Variants in PACS2 observed in about 807,000 individuals in gnomAD.
PACS2 encodes the protein phosphofurin acidic cluster sorting protein 2.
In PACS2, 36 loss-of-function variants were observed where a neutral mutation model predicts 113.0. The ratio of observed to expected loss-of-function variants is 0.32; its 90% CI spans 0.24 to 0.42. The LOEUF (loss-of-function observed/expected upper bound fraction) is 0.42, where lower values mean the gene tolerates loss of function less well. Among genes scored for constraint, PACS2 ranks in the 10% least tolerant of loss-of-function variants. The pLI, the probability that PACS2 is intolerant of heterozygous loss-of-function variation, is 1.00. For synonymous variants in PACS2, 589 were observed against 536.1 expected (o/e 1.10, Z -1.36); for missense variants, 1,015 against 1,239.5 (o/e 0.82, Z 2.72).
intron 4 of PACS2, 41 bp from the exon 5 acceptor site, chr14:105,367,172 C>G: frequency 6.3e-7 from 1 of 1,590,460 alleles, no homozygotes; most frequent in Non-Finnish European, 8.6e-7. Flanking sequence ...GGGGCTCCTT[C>G]CCGTCGTGCT....
chr14:105,316,622 G>C (rs1417221954), intron 1 of PACS2, among the ~76,000 whole-genome samples: 1 of 152,188 alleles, frequency 6.6e-6, no homozygotes, highest in Non-Finnish European at 1.5e-5. Context: ...AGGAGGGGCC[G>C]GGGGCCTTAT....
At chr14:105,389,233 C>G (rs1555414267) in intron 19 of PACS2, 1 of 152,552 alleles carries the variant, frequency 6.6e-6, no homozygotes, top group African/African-American at 2.4e-5. Flanking sequence ...GGGCTGTGAC[C>G]AGACTTCCAG....
At chr14:105,335,229 TC>T (rs1450563038) in intron 1 of PACS2, among the ~76,000 whole-genome samples, 1 of 152,238 alleles carries the variant, frequency 6.6e-6, no homozygotes, top group African/African-American at 2.4e-5. Flanking sequence ...CTCGGAGGCT[TC>T]CCTGCTCTGG....
chr14:105,370,262 C>A (rs1226427831), intron 8 of PACS2: 1 of 167,846 alleles, frequency 6.0e-6, no homozygotes, highest in Non-Finnish European at 1.3e-5. Flanking sequence ...CCCATGGACC[C>A]CTCCCCACCT....
rs587647726 is a variant in PACS2, at chr14:105,353,947, C to T, written c.298-1105C>T. 7.2e-5 allele frequency among the ~76,000 whole-genome samples: 11 copies of T among 151,798 alleles called. No individual in the cohort carries two copies. In the East Asian group the frequency reaches 2.2e-3, roughly 30 times the overall value. On this transcript the variant is annotated intron_variant, in intron 3 of 24. Coordinates refer to ENST00000447393, the MANE Select transcript of PACS2 (RefSeq NM_001100913.3). ...GAATATAAGGCCGGGTGTGGTGGCT[C>T]ATGCCTGTAATCCCAGCACTTCGGG...
At chr14:105,353,091 C>G (rs1426350557) in intron 3 of PACS2, among the ~76,000 whole-genome samples, 10 of 88,762 alleles carry the variant, frequency 1.1e-4, no homozygotes, top group Non-Finnish European at 1.2e-4. Context: ...GGGTGACAGG[C>G]CCCCCCCATC....
At position 105,317,921 on chromosome 14, in the gene PACS2, C is replaced by T. The variant is rs903112187; in HGVS notation, c.119+2884C>T. 1.3e-5 allele frequency among the ~76,000 whole-genome samples: 2 copies of T among 152,162 alleles called. No individual in the cohort carries two copies. Among genetic ancestry groups the T allele is most frequent in the Non-Finnish European group, 2.9e-5 (2 of 68,028 alleles). Reference sequence around the variant, plus strand: ...CTGTGCTCCGGGTTTCCTTGCGACGCTTTTGGCTCAGCACTGTTACACACG... The same window carrying T: ...CTGTGCTCCGGGTTTCCTTGCGACGTTTTTGGCTCAGCACTGTTACACACG... On this transcript the variant is annotated intron_variant, in intron 1 of 24. Transcript: ENST00000447393. The surrounding 1 kb of genome is among the most constrained non-coding windows in gnomAD (Gnocchi z 4.2).
intron 21 of PACS2, 164 bp from the exon 22 acceptor site, chr14:105,391,467 G>C: frequency 1.4e-6 from 1 of 706,084 alleles, no homozygotes; most frequent in Non-Finnish European, 2.3e-6. Flanking sequence ...TCCAAAAACC[G>C]AGGAGAATCC....
intron 8 of PACS2, 129 bp downstream of exon 8, chr14:105,370,029 C>A: frequency 1.3e-6 from 1 of 798,006 alleles, no homozygotes; most frequent in Non-Finnish European, 2.0e-6. Context: ...GCCCCGCCAG[C>A]ATCGCACAGT....
In PACS2 at chr14:105,330,693, A is replaced by G. The variant is rs1291687505; in HGVS notation, c.119+15656A>G. On this transcript the variant is annotated intron_variant, in intron 1 of 24. Coordinates refer to ENST00000447393, the MANE Select transcript of PACS2 (RefSeq NM_001100913.3). This position sits in a 1 kb window ranked among gnomAD's most constrained non-coding sequence, Gnocchi z 6.9. ...AATCCTGGGGCCCCACCCAACACCC[A>G]CGCATTTCCTGTCTTTTCTCAGGCA... is the stretch of plus-strand genomic sequence containing the variant. Among the ~76,000 whole-genome samples the G allele has an allele frequency of 6.6e-6, 1 of 152,232 alleles. No homozygotes were observed. The highest frequency in any genetic ancestry group is 2.4e-5 in the African/African-American group (1 of 41,458).
chr14:105,382,526 A>T lies in PACS2; in HGVS notation c.1463A>T (p.Asp488Val). The change falls in exon 14 of 25, where the codon GAT (aspartate) becomes GTT (valine). Residue 488 changes from aspartate (D) to valine (V), a missense_variant. By Grantham distance (152) the Asp-to-Val change is radical (BLOSUM62 -3). Around this residue, in one of 3 missense-constraint regions of PACS2, gnomAD observed 859 missense variants for 1,056.8 expected, o/e 0.81. Transcript: ENST00000447393. ...CAGCTCAACCACATCCTCATCTCCG[A>T]TGACCAGCTTCCCGAAAACATCATC... The part of the protein sequence containing the change: ...YDQLNHILIS[D>V]DQLPENIILV... 6.2e-7 allele frequency: 1 copy of T among 1,613,680 alleles called. No individual in the cohort carries two copies.
chr14:105,348,702 C>A lies in PACS2; in HGVS notation c.207+122C>A. 1.3e-6 allele frequency: 1 copy of A among 746,322 alleles called. No homozygotes were observed. Among genetic ancestry groups the A allele is most frequent in the Non-Finnish European group, 2.3e-6 (1 of 428,446 alleles). The allele number at this position is 746,322 out of a possible 1,614,324, so 46.2% of individuals were successfully genotyped here. ...TGCCAAAACAGCGGGCAGCCCATGC[C>A]ATCTCCGGGAGCCCGGGGGGCTGGG... is the stretch of plus-strand genomic sequence containing the variant. On this transcript the variant is annotated intron_variant, in intron 2 of 24. Coordinates refer to ENST00000447393, the MANE Select transcript of PACS2 (RefSeq NM_001100913.3). This position sits in a 1 kb window ranked among gnomAD's most constrained non-coding sequence, Gnocchi z 6.4.
chr14:105,327,908 C>T (rs1003175480), intron 1 of PACS2, among the ~76,000 whole-genome samples: 9 of 151,632 alleles, frequency 5.9e-5, no homozygotes, highest in African/African-American at 2.2e-4. Flanking sequence ...CCCAGGCCAC[C>T]CGAGGGGCCA....
upstream of PACS2, among the ~76,000 whole-genome samples, chr14:105,312,684 G>A (rs1177950967): frequency 6.6e-6 from 1 of 152,218 alleles, no homozygotes; most frequent in African/African-American, 2.4e-5. Context: ...CGACAGAGGA[G>A]GGCAGTGCAA....
At chr14:105,313,474 G>A (rs139995749), upstream of PACS2, among the ~76,000 whole-genome samples, 674 of 152,368 alleles carry the variant, frequency 4.4e-3, 9 homozygotes, top group African/African-American at 0.015. Context: ...GAAACACAGA[G>A]TCCCTTGTTC....
At chr14:105,333,132 CGTGCACACACACACCCATGCACGCGT>C (rs2059368044) in intron 1 of PACS2, among the ~76,000 whole-genome samples, 2 of 152,170 alleles carry the variant, frequency 1.3e-5, no homozygotes, top group Admixed American at 6.5e-5. Flanking sequence ...GGCACATACA[CGTGCACACACACACCCATGCACGCGT>C]GTGCACACAC....
intron 1 of PACS2, among the ~76,000 whole-genome samples, chr14:105,304,680 TTAAC>T (rs2058130386): frequency 1.3e-5 from 2 of 152,162 alleles, no homozygotes; most frequent in Non-Finnish European, 2.9e-5. Flanking sequence ...GACTGGGCGA[TTAAC>T]AAACAAAAGA....
At chr14:105,392,265 C>G (rs1555415129) in intron 22 of PACS2, 4 of 386,044 alleles carry the variant, frequency 1.0e-5, no homozygotes, top group Non-Finnish European at 1.9e-5. Flanking sequence ...CAGATACCCC[C>G]CCGACCCCCC....
At chr14:105,336,362 T>C (rs1488827331) in intron 1 of PACS2, 1 of 152,252 alleles carries the variant, frequency 6.6e-6, no homozygotes, top group Non-Finnish European at 1.5e-5. Flanking sequence ...TCCTTGGGAG[T>C]GGCGCGGCCG....
Sources: allele counts gnomAD v4.1 joint callset (sites outside exome capture counted in the v4.1 genomes callset), GRCh38; gene constraint gnomAD v4.1.1; regional missense constraint gnomAD v4.1.1; non-coding constraint Gnocchi (gnomAD v3.1); transcripts MANE v1.5; gene names NCBI Gene and HGNC (gene_info 2026-07-23, HGNC 2026-07-21).